The following TTLL5 variants were observed in gnomAD, a reference collection of about 807,000 sequenced individuals.
The protein encoded by TTLL5 is tubulin tyrosine ligase like 5.
In TTLL5, 132 loss-of-function variants were observed where a neutral mutation model predicts 168.4. The ratio of observed to expected loss-of-function variants is 0.78; its 90% CI spans 0.68 to 0.91. The LOEUF is 0.91. Ranked by LOEUF, TTLL5 falls within the 40% of genes least tolerant of loss-of-function variation. The pLI is 0.00. For synonymous variants in TTLL5, 546 were observed against 558.6 expected, an observed-to-expected ratio of 0.98 and a Z score of 0.32; for missense variants, 1,545 against 1,581.5, an observed-to-expected ratio of 0.98 and a Z score of 0.39.
At chr14:75,906,433 A>C in intron 31 of TTLL5, 1 of 729,420 alleles carries the variant, frequency 1.4e-6, no homozygotes, top group Non-Finnish European at 1.7e-6. Flanking sequence ...TTTGACAGGA[A>C]GTGGGGTGGC....
At chr14:75,721,701 T>A (rs1887847542) in intron 12 of TTLL5, among the ~76,000 whole-genome samples, 2 of 152,176 alleles carry the variant, frequency 1.3e-5, no homozygotes, top group Non-Finnish European at 2.9e-5. Flanking sequence ...ACCATGAAGA[T>A]CAAATGAGAT....
chr14:75,724,986 A>C (rs1888100013), intron 12 of TTLL5, among the ~76,000 whole-genome samples: 1 of 152,200 alleles, frequency 6.6e-6, no homozygotes, highest in Non-Finnish European at 1.5e-5. Context: ...TCTGTGTATT[A>C]GCATGGCTGA....
intron 20 of TTLL5, among the ~76,000 whole-genome samples, chr14:75,769,541 T>G (rs1177794456): frequency 3.9e-5 from 6 of 152,174 alleles, no homozygotes; most frequent in Non-Finnish European, 5.9e-5. Flanking sequence ...ACCTCAATAT[T>G]TGTTCATTTG....
At position 75,783,356 on chromosome 14, in the gene TTLL5, A is replaced by G. The variant is rs1004435343; in HGVS notation, c.2812A>G (p.Thr938Ala). The change falls in exon 26 of 32, where the codon ACA (threonine) becomes GCA (alanine). Residue 938 changes from threonine to alanine, a missense_variant. Thr to Ala is a moderately conservative substitution (Grantham distance 58). Coordinates refer to ENST00000298832, the MANE Select transcript of TTLL5 (RefSeq NM_015072.5). ...TCACCAGCCAACAATTTTACTGAAC[A>G]CAGTCTCTGCCAGTGCTTCTCCCTG... Reference protein sequence around the residue: ...MPHQPTILLNTVSASASPCLH... With the variant: ...MPHQPTILLNAVSASASPCLH... 7 of 1,614,014 alleles carry G rather than the reference A, an allele frequency of 4.3e-6. No individual in the cohort carries two copies. In the African/African-American group the frequency reaches 8.0e-5, roughly 18 times the overall value.
At chr14:75,948,454 C>A (rs575840117) in intron 31 of TTLL5, among the ~76,000 whole-genome samples, 10 of 151,908 alleles carry the variant, frequency 6.6e-5, no homozygotes, top group African/African-American at 2.4e-4. Context: ...CATTGCACTG[C>A]AGCCTGGGTG....
intron 31 of TTLL5, among the ~76,000 whole-genome samples, chr14:75,950,637 T>C (rs1026718812): frequency 3.3e-5 from 5 of 152,220 alleles, no homozygotes; most frequent in African/African-American, 1.2e-4. Context: ...TTATACTGTT[T>C]TATTTTTTAT....
chr14:75,779,853 G>A (rs1296328965), intron 24 of TTLL5, 151 bp downstream of exon 24: 2 of 705,052 alleles, frequency 2.8e-6, no homozygotes, highest in Non-Finnish European at 4.2e-6. Context: ...GAGAATGGGG[G>A]ACAGTACTTT....
At chr14:75,945,465 C>T (rs1340734152) in intron 31 of TTLL5, among the ~76,000 whole-genome samples, 1 of 151,648 alleles carries the variant, frequency 6.6e-6, no homozygotes, top group Non-Finnish European at 1.5e-5. Context: ...CCATGTTGGT[C>T]AGGATGATCT....
Position 75,766,091 on chromosome 14 carries a change from A to C in TTLL5, c.1738A>C (p.Lys580Gln). Residue 580 changes from lysine to glutamine, a missense_variant, in exon 20 of 32, where the codon AAA becomes CAA. Transcript: ENST00000298832. Reference protein sequence around the residue: ...VITQPAEMNVKTETESEEEEE... With the variant: ...VITQPAEMNVQTETESEEEEE... The stretch of plus-strand genomic sequence containing the variant: ...TACCCAACCAGCTGAAATGAATGTT[A>C]AAACTGAGACAGAGAGTGAAGAGGA... The C allele has an allele frequency of 5.0e-6, 8 of 1,613,134 alleles. No individual in the cohort carries two copies. The highest frequency in any genetic ancestry group is 6.8e-6 in the Non-Finnish European group (8 of 1,179,692).
chr14:75,931,534 T>C lies in TTLL5; in HGVS notation c.3824-22890T>C, dbSNP rs150010520. On this transcript the variant is annotated intron_variant, in intron 31 of 31. Transcript: ENST00000298832. ...TACTACAGTGTTTTCCAGACGGATC[T>C]CTTCATCCTAAGTTGTATCCTGCCT... Among the ~76,000 whole-genome samples the C allele has an allele frequency of 3.5e-4, 54 of 152,324 alleles. 2 individuals carry two copies. In the East Asian group the frequency reaches 5.2e-3, roughly 15 times the overall value.
chr14:75,681,698 C>T lies in TTLL5; in HGVS notation c.264+71C>T, dbSNP rs565110992. 1.6e-5 allele frequency: 21 copies of T among 1,341,806 alleles called. No individual in the cohort carries two copies. In the South Asian group the frequency reaches 2.5e-4, roughly 16 times the overall value. 83.1% of individuals were successfully genotyped at this position (1,341,806 alleles called of 1,614,324 possible). A position where few individuals can be genotyped will look rare whatever the true frequency, so the allele number is the denominator to read the frequency against. Reference sequence around the variant, plus strand: ...AATCCCAGCCACCTAACTGACTTTACCAGTTAACAGGGCCAGCTCCAGGAA... The same window carrying T: ...AATCCCAGCCACCTAACTGACTTTATCAGTTAACAGGGCCAGCTCCAGGAA... On this transcript the variant is annotated intron_variant, in intron 4 of 31. Coordinates refer to ENST00000298832, the MANE Select transcript of TTLL5 (RefSeq NM_015072.5).
chr14:75,862,357 C>T (rs1373601916), intron 28 of TTLL5, among the ~76,000 whole-genome samples: 1 of 152,116 alleles, frequency 6.6e-6, no homozygotes. Flanking sequence ...AGAAAAATTG[C>T]TGGATCATTT....
intron 30 of TTLL5, among the ~76,000 whole-genome samples, chr14:75,893,850 C>CAAAAAA (rs71122503): frequency 2.0e-4 from 28 of 142,430 alleles, no homozygotes; most frequent in South Asian, 6.4e-4. Flanking sequence ...ATAGTGAAGG[C>CAAAAAA]AAAATAATTT....
chr14:75,831,263 A>C (rs1164316616), intron 28 of TTLL5, among the ~76,000 whole-genome samples: 3 of 152,314 alleles, frequency 2.0e-5, no homozygotes, highest in South Asian at 4.1e-4. Flanking sequence ...TTTTGTTTAG[A>C]TCTGGAGATT....
chr14:75,723,072 T>C (rs1887945119), intron 12 of TTLL5, among the ~76,000 whole-genome samples: 1 of 152,128 alleles, frequency 6.6e-6, no homozygotes, highest in African/African-American at 2.4e-5. Context: ...GGAAACTCCT[T>C]GAGGACAGTA....
At chr14:75,941,920 C>T (rs1370344240) in intron 31 of TTLL5, among the ~76,000 whole-genome samples, 4 of 147,862 alleles carry the variant, frequency 2.7e-5, no homozygotes, top group Non-Finnish European at 5.9e-5. Flanking sequence ...CGGTGGCTCA[C>T]ACCTGTAATC....
In TTLL5 at chr14:75,911,717, T is replaced by C. The variant is rs889807180; in HGVS notation, c.3823+9493T>C. 2.0e-5 allele frequency among the ~76,000 whole-genome samples: 3 copies of C among 152,212 alleles called. No homozygotes were observed. In the East Asian group the frequency reaches 5.8e-4, roughly 29 times the overall value. The stretch of plus-strand genomic sequence containing the variant: ...ACTTATGCCTAAGCTTCAAATTATA[T>C]TAGGCAATAAATTATTGATAGTTTT... On this transcript the variant is annotated intron_variant, in intron 31 of 31. Coordinates refer to ENST00000298832, the MANE Select transcript of TTLL5 (RefSeq NM_015072.5).
At position 75,877,066 on chromosome 14, in the gene TTLL5, A is replaced by G. The variant is rs150637478; in HGVS notation, c.3523-5619A>G. Among the ~76,000 whole-genome samples, 331 of 152,364 alleles carry G rather than the reference A, an allele frequency of 2.2e-3. 1 individual carries two copies. Among genetic ancestry groups the G allele is most frequent in the African/African-American group, 7.7e-3 (322 of 41,592 alleles). ...CAATCTAATGTGGGGAGAATACTGCATAGAAATGTTTGCTTGTCTTAAATT... is the reference window on the plus strand; with the variant it reads ...CAATCTAATGTGGGGAGAATACTGCGTAGAAATGTTTGCTTGTCTTAAATT... On this transcript the variant is annotated intron_variant, in intron 29 of 31. Transcript: ENST00000298832.
rs185874076 is a variant in TTLL5, at chr14:75,806,094, G to A, written c.3171+12994G>A. On this transcript the variant is annotated intron_variant, in intron 27 of 31. Transcript: ENST00000298832. ...CTCAGACTGGAGTGCAGTGGTGCGCGATCTCAGCTCACTACAATCTCTGCC... is the reference window on the plus strand; with the variant it reads ...CTCAGACTGGAGTGCAGTGGTGCGCAATCTCAGCTCACTACAATCTCTGCC... 4.6e-5 allele frequency among the ~76,000 whole-genome samples: 7 copies of A among 150,790 alleles called. No homozygotes were observed. The East Asian group carries it at 5.9e-4, about 13-fold the overall frequency.
Sources: gnomAD v4.1 joint callset for allele counts (sites outside exome capture counted in the v4.1 genomes callset) on GRCh38, gnomAD v4.1.1 for gene constraint, MANE v1.5 for transcripts, NCBI Gene and HGNC (gene_info 2026-07-23, HGNC 2026-07-21) for gene names.